The following ARID4A variants were observed in gnomAD, a reference collection of about 807,000 sequenced individuals.
ARID4A encodes AT-rich interactive domain-containing protein 4A.
In ARID4A, 39 loss-of-function variants were observed where a neutral mutation model predicts 148.6. The ratio of observed to expected loss-of-function variants is 0.26; its 90% CI spans 0.20 to 0.34. The LOEUF (loss-of-function observed/expected upper bound fraction) is 0.34, where lower values mean the gene tolerates loss of function less well. Among genes scored for constraint, ARID4A ranks in the 10% least tolerant of loss-of-function variants. The pLI, the probability that ARID4A is intolerant of heterozygous loss-of-function variation, is 1.00. For missense variants in ARID4A, 1,265 were observed against 1,449.1 expected, an observed-to-expected ratio of 0.87 and a Z score of 2.06; for synonymous variants, 475 against 481.2, an observed-to-expected ratio of 0.99 and a Z score of 0.17.
chr14:58,366,101 T>A lies in ARID4A; in HGVS notation c.3394T>A (p.Ser1132Thr), dbSNP rs113991079. The A allele has an allele frequency of 1.7e-5, 28 of 1,613,866 alleles. No homozygotes were observed. In the African/African-American group the frequency reaches 3.5e-4, roughly 20 times the overall value. ...KCTPVKHLNV[S>T]KPQKLARSPA... is the part of the protein sequence containing the mutation. The stretch of plus-strand genomic sequence containing the variant: ...TACCCCAGTAAAGCATCTTAATGTA[T>A]CTAAGCCACAGAAACTTGCACGATC... The change falls in exon 22 of 24, where the codon TCT (serine) becomes ACT (threonine). Residue 1132 changes from serine to threonine, a missense_variant. Ser to Thr is a moderately conservative substitution (Grantham distance 58, BLOSUM62 1). Transcript: ENST00000355431.
At chr14:58,337,148 T>C (rs2033858008) in intron 11 of ARID4A, among the ~76,000 whole-genome samples, 1 of 148,676 alleles carries the variant, frequency 6.7e-6, no homozygotes, top group African/African-American at 2.5e-5. Flanking sequence ...CACCTTTGCC[T>C]CCCAAAGTGC....
intron 16 of ARID4A, among the ~76,000 whole-genome samples, chr14:58,351,869 T>A (rs1255998449): frequency 6.6e-6 from 1 of 152,232 alleles, no homozygotes; most frequent in Non-Finnish European, 1.5e-5. Context: ...ATGTCCATCC[T>A]GTTTGCTGTT....
chr14:58,321,419 A>G (rs889747243), intron 7 of ARID4A, among the ~76,000 whole-genome samples: 8 of 152,178 alleles, frequency 5.3e-5, no homozygotes, highest in South Asian at 4.1e-4. Context: ...GATTTAGCCA[A>G]GGGAGCCTGG....
At chr14:58,307,135 C>T (rs932554272) in intron 5 of ARID4A, among the ~76,000 whole-genome samples, 21 of 152,180 alleles carry the variant, frequency 1.4e-4, no homozygotes, top group African/African-American at 5.1e-4. Context: ...CTGCACAATC[C>T]TGTGGATAAC....
chr14:58,329,848 C>G (rs945251546), intron 10 of ARID4A, among the ~76,000 whole-genome samples, 155 bp from the exon 11 acceptor site: 3 of 152,106 alleles, frequency 2.0e-5, no homozygotes, highest in Admixed American at 2.0e-4. Flanking sequence ...GTTTATATAA[C>G]ATTATAACTT....
Position 58,365,063 on chromosome 14 carries a change from C to T in ARID4A, c.2974C>T (p.Pro992Ser), listed in dbSNP as rs754181368. ...SSESNSLVSI[P>S]PALPPVVQHN... ...TGAGTCTAACTCTCTTGTTTCTATT[C>T]CACCTGCCCTACCTCCTGTAGTCCA... is the stretch of plus-strand genomic sequence containing the variant. The change falls in exon 20 of 24, where the codon CCA becomes TCA. Residue 992 changes from proline (P) to serine (S), a missense_variant. Physicochemically the swap from Pro to Ser is moderately conservative, Grantham distance 74. Transcript: ENST00000355431. 1.2e-6 allele frequency: 2 copies of T among 1,614,092 alleles called. No homozygotes were observed. The highest frequency in any genetic ancestry group is 1.7e-6 in the Non-Finnish European group (2 of 1,179,994).
intron 11 of ARID4A, among the ~76,000 whole-genome samples, chr14:58,332,917 A>T (rs1489692168): frequency 6.6e-6 from 1 of 152,184 alleles, no homozygotes; most frequent in East Asian, 1.9e-4. Flanking sequence ...GTAGAATCAT[A>T]CAAGTGTTAG....
intron 11 of ARID4A, among the ~76,000 whole-genome samples, chr14:58,339,019 T>A (rs923699231): frequency 2.1e-5 from 3 of 145,588 alleles, no homozygotes; most frequent in African/African-American, 7.7e-5. Flanking sequence ...CAGGCTGGAG[T>A]GCAGTGGTGA....
chr14:58,305,930 G>A, intron 4 of ARID4A, 92 bp from the exon 5 acceptor site: 3 of 856,772 alleles, frequency 3.5e-6, no homozygotes, highest in Admixed American at 3.7e-5. Flanking sequence ...TAAGTATGGT[G>A]TTTATTTTTC....
At chr14:58,356,569 G>A (rs1274906920) in intron 17 of ARID4A, among the ~76,000 whole-genome samples, 1 of 152,088 alleles carries the variant, frequency 6.6e-6, no homozygotes, top group East Asian at 1.9e-4. Context: ...GGGTTAATGA[G>A]TGAGAGATAG....
chr14:58,347,869 A>G lies in ARID4A; in HGVS notation c.1395A>G (p.Lys465=). 2 of 1,608,804 alleles carry G rather than the reference A, an allele frequency of 1.2e-6. No individual in the cohort carries two copies. Among genetic ancestry groups the G allele is most frequent in the Non-Finnish European group, 1.7e-6 (2 of 1,177,178 alleles). The change falls in exon 15 of 24, where the codon AAA becomes AAG. Residue 465 remains lysine (K), a synonymous_variant. Coordinates refer to ENST00000355431, the MANE Select transcript of ARID4A (RefSeq NM_002892.4). ...GTGAAAGAGAAGAGATAGAATTAAA[A>G]TCTCCGAGGGTGAGTTCTTAATACT... ...SESEREEIEL[K]SPRGRRRIAR... is the part of the protein sequence containing the mutation.
intron 7 of ARID4A, among the ~76,000 whole-genome samples, chr14:58,321,958 T>TG (rs948613327): frequency 6.8e-5 from 10 of 147,908 alleles, no homozygotes; most frequent in South Asian, 2.1e-4. Flanking sequence ...TTGTTGTTGT[T>TG]TTTTTTGGTT....
At chr14:58,301,483 T>C in intron 2 of ARID4A, 97 bp from the exon 3 acceptor site, 1 of 719,294 alleles carries the variant, frequency 1.4e-6, no homozygotes, top group African/African-American at 1.8e-5. Flanking sequence ...GTCATTTTAA[T>C]ATTCTTAATG....
intron 7 of ARID4A, among the ~76,000 whole-genome samples, chr14:58,319,952 T>TC (rs201349285): frequency 6.4e-4 from 93 of 145,548 alleles, no homozygotes; most frequent in Non-Finnish European, 7.6e-4. Context: ...TCTTTTCTTT[T>TC]TTTTTTTTTT....
chr14:58,364,147 TATAATA>T lies in ARID4A; in HGVS notation c.2081-19_2081-14del. 5.0e-6 allele frequency: 6 copies of T among 1,199,930 alleles called. No individual in the cohort carries two copies. Among genetic ancestry groups the T allele is most frequent in the Non-Finnish European group, 6.6e-6 (6 of 903,636 alleles). 74.3% of individuals were successfully genotyped at this position (1,199,930 alleles called of 1,614,324 possible). A position where few individuals can be genotyped will look rare whatever the true frequency, so the allele number is the denominator to read the frequency against. ...ATTGGTAATATAAAAACCTGTATAATATAATAATATTTCCTCTTACAGACTCTTGTT... is the reference window on the plus strand; with the variant it reads ...ATTGGTAATATAAAAACCTGTATAATATATTTCCTCTTACAGACTCTTGTT... On this transcript the variant is annotated splice_polypyrimidine_tract_variant and intron_variant, in intron 19 of 23. Transcript: ENST00000355431.
rs1386588433 is a variant in ARID4A, at chr14:58,299,858, A to C, written c.4A>C (p.Lys2Gln). Residue 2 changes from lysine (K) to glutamine (Q), a missense_variant and splice_region_variant, in exon 2 of 24, where the codon AAG (lysine) becomes CAG (glutamine). Coordinates refer to ENST00000355431, the MANE Select transcript of ARID4A (RefSeq NM_002892.4). The part of the protein sequence containing the change: M[K>Q]AADEPAYLTV... ...ACCCCACAGATCACCAACAAAAATG[A>C]AGGTAAGTGGAGTCAACTCTGCCCC... 6.2e-7 allele frequency: 1 copy of C among 1,614,166 alleles called. No individual in the cohort carries two copies. Among genetic ancestry groups the C allele is most frequent in the Non-Finnish European group, 8.5e-7 (1 of 1,180,026 alleles).
intron 23 of ARID4A, among the ~76,000 whole-genome samples, 179 bp from the exon 24 acceptor site, chr14:58,371,707 A>C (rs910195047): frequency 6.6e-6 from 1 of 152,208 alleles, no homozygotes; most frequent in African/African-American, 2.4e-5. Flanking sequence ...ACCAAAGACT[A>C]ACTCCACTTA....
At chr14:58,312,735 T>C (rs1594876344) in intron 5 of ARID4A, among the ~76,000 whole-genome samples, 1 of 152,320 alleles carries the variant, frequency 6.6e-6, no homozygotes, top group East Asian at 1.9e-4. Context: ...ATGCCTATTA[T>C]GTCTTTTGAT....
intron 5 of ARID4A, 46 bp from the exon 6 acceptor site, chr14:58,318,495 AT>A (rs1412207008): frequency 6.4e-7 from 1 of 1,553,082 alleles, no homozygotes; most frequent in Non-Finnish European, 8.9e-7. Context: ...TTAAGTTTTT[AT>A]TTCATTAGTG....
Sources: gnomAD v4.1 joint callset for allele counts (sites outside exome capture counted in the v4.1 genomes callset) on GRCh38, gnomAD v4.1.1 for gene constraint, MANE v1.5 for transcripts, NCBI Gene and HGNC (gene_info 2026-07-23, HGNC 2026-07-21) for gene names.